Variants in SYNPR observed in about 807,000 individuals in gnomAD.
The protein encoded by SYNPR is synaptoporin.
A neutral mutation model predicts 32.9 loss-of-function variants in SYNPR; 23 were observed. That is an observed-to-expected ratio of 0.70 (90% CI 0.50 to 0.99). SYNPR has a LOEUF of 0.99. Among genes scored for constraint, SYNPR ranks in the 50% least tolerant of loss-of-function variants. The pLI is 0.00. For synonymous variants in SYNPR, 146 were observed against 135.9 expected (o/e 1.07, Z -0.52); for missense variants, 318 against 349.3 (o/e 0.91, Z 0.71).
At chr3:63,223,083 G>T in the SYNPR span, among the ~76,000 whole-genome samples, 3 of 152,116 alleles carry the variant, frequency 2.0e-5, no homozygotes, top group African/African-American at 7.2e-5. Flanking sequence ...TACTCACAGA[G>T]GAGGAAGAGA....
intron 3 of SYNPR, among the ~76,000 whole-genome samples, chr3:63,269,318 A>C (rs1053434334): frequency 1.9e-4 from 29 of 152,060 alleles, no homozygotes; most frequent in Admixed American, 5.9e-4. Flanking sequence ...GTGAAACCCC[A>C]TCTCTACTAA....
At chr3:63,541,157 G>T (rs1006484072) in intron 3 of SYNPR, among the ~76,000 whole-genome samples, 1 of 151,234 alleles carries the variant, frequency 6.6e-6, no homozygotes, top group African/African-American at 2.4e-5. Context: ...ACCGCAGAGA[G>T]AAAGAATAAA....
At chr3:63,514,988 A>C (rs1701769062) in intron 3 of SYNPR, among the ~76,000 whole-genome samples, 1 of 152,124 alleles carries the variant, frequency 6.6e-6, no homozygotes, top group Non-Finnish European at 1.5e-5. Context: ...TCAATGTTTA[A>C]GGCTTTTGGA....
rs537975581 is a variant in SYNPR at position 63,347,545 on chromosome 3, C to T, written c.84+68803C>T. The stretch of plus-strand genomic sequence containing the variant: ...GTTTTGTTACATGGATATATTATGT[C>T]GTGCTGAAGTCTGGGCTTTCAGGGT... On this transcript the variant is annotated intron_variant, in intron 2 of 5. Coordinates refer to ENST00000478300, the MANE Select transcript of SYNPR (RefSeq NM_001130003.2). Among the ~76,000 whole-genome samples, 113 of 152,204 alleles carry T rather than the reference C, an allele frequency of 7.4e-4. 4 individuals carry two copies. In the South Asian group the frequency reaches 0.022, roughly 30 times the overall value.
At position 63,400,038 on chromosome 3, in the gene SYNPR, T is replaced by C. The variant is rs114291100; in HGVS notation, c.85-80794T>C. Among the ~76,000 whole-genome samples, 1,262 of 152,292 alleles carry C rather than the reference T, an allele frequency of 8.3e-3. 19 individuals carry two copies. The highest frequency in any genetic ancestry group is 0.028 in the African/African-American group (1,169 of 41,560). On this transcript the variant is annotated intron_variant, in intron 2 of 5. Transcript: ENST00000478300. Reference sequence around the variant, plus strand: ...CTTAAGTGAACCAGTCCCCAGCCCATTCTGCAGAGGATGAGCAAGCTCAAC... The same window carrying C: ...CTTAAGTGAACCAGTCCCCAGCCCACTCTGCAGAGGATGAGCAAGCTCAAC...
At chr3:63,238,539 G>T (rs1329433488) in intron 1 of SYNPR, among the ~76,000 whole-genome samples, 1 of 152,070 alleles carries the variant, frequency 6.6e-6, no homozygotes, top group Non-Finnish European at 1.5e-5. Context: ...TAGTGGTAGG[G>T]AATGCAGAAA....
chr3:63,232,184 G>C lies in SYNPR; in HGVS notation n.66+3804G>C, dbSNP rs1397829797. 3.0e-5 allele frequency among the ~76,000 whole-genome samples: 4 copies of C among 132,238 alleles called. No individual in the cohort carries two copies. In the East Asian group the frequency reaches 1.0e-3, roughly 33 times the overall value. The allele number at this position is 132,238 out of a possible 152,430, so 86.8% of individuals were successfully genotyped here. On this transcript the variant is annotated intron_variant and non_coding_transcript_variant, in intron 1 of 4. Transcript: ENST00000478456. ...AGGGCTGTCTCAAGTGAGTATTTCA[G>C]ATTCTGACTTTTTTTTTTTTTTTTT...
chr3:63,588,799 C>T (rs1703247153), intron 4 of SYNPR, among the ~76,000 whole-genome samples: 1 of 151,990 alleles, frequency 6.6e-6, no homozygotes, highest in African/African-American at 2.4e-5. Context: ...TACTCTTCTA[C>T]TAACATTTAA....
intron 2 of SYNPR, among the ~76,000 whole-genome samples, chr3:63,295,376 G>T (rs939939492): frequency 6.6e-5 from 10 of 152,220 alleles, no homozygotes; most frequent in African/African-American, 2.2e-4. Flanking sequence ...AACAAGTAAT[G>T]GTTAGGTGTG....
At chr3:63,258,217 G>A (rs568009612) in intron 2 of SYNPR, among the ~76,000 whole-genome samples, 10 of 152,200 alleles carry the variant, frequency 6.6e-5, no homozygotes, top group South Asian at 2.1e-4. Flanking sequence ...TGCACCAAGC[G>A]GACCTAATAG....
At chr3:63,401,183 G>T (rs2088285342) in intron 2 of SYNPR, among the ~76,000 whole-genome samples, 1 of 152,146 alleles carries the variant, frequency 6.6e-6, no homozygotes, top group Non-Finnish European at 1.5e-5. Context: ...GGTATTAGAA[G>T]GAAGTCTGCA....
chr3:63,264,799 C>A (rs186225690), intron 2 of SYNPR, among the ~76,000 whole-genome samples: 4 of 152,108 alleles, frequency 2.6e-5, no homozygotes, highest in Non-Finnish European at 5.9e-5. Context: ...CAGGCACTTT[C>A]CTCACAGGGT....
Position 63,615,532 on chromosome 3 carries a change from G to C in SYNPR, c.*51G>C. Reference sequence around the variant, plus strand: ...AGTCGCCTCACCATCTTCCATTTCAGTGGCAGAAGAATTTTTTAAGGGTTT... The same window carrying C: ...AGTCGCCTCACCATCTTCCATTTCACTGGCAGAAGAATTTTTTAAGGGTTT... On this transcript the variant is annotated 3_prime_UTR_variant, in exon 6 of 6. Transcript: ENST00000478300. The C allele has an allele frequency of 6.4e-7, 1 of 1,570,250 alleles. No homozygotes were observed. The highest frequency in any genetic ancestry group is 1.2e-5 in the South Asian group (1 of 84,130).
intron 2 of SYNPR, among the ~76,000 whole-genome samples, chr3:63,346,598 A>T (rs1208412960): frequency 2.6e-5 from 4 of 152,020 alleles, no homozygotes. Context: ...CAGCCTCCTG[A>T]GTAGCTGGGA....
At chr3:63,309,864 A>C (rs1560187295) in intron 2 of SYNPR, among the ~76,000 whole-genome samples, 1 of 151,968 alleles carries the variant, frequency 6.6e-6, no homozygotes, top group Non-Finnish European at 1.5e-5. Context: ...CAGGGGTTCT[A>C]GTTTCCCAGA....
At chr3:63,552,352 T>C (rs757223889) in intron 3 of SYNPR, among the ~76,000 whole-genome samples, 3 of 152,206 alleles carry the variant, frequency 2.0e-5, no homozygotes, top group Non-Finnish European at 4.4e-5. Flanking sequence ...TTTTTCAGTA[T>C]TTCTACAGAC....
chr3:63,229,184 A>G (rs1343728800), intron 1 of SYNPR, among the ~76,000 whole-genome samples: 1 of 152,168 alleles, frequency 6.6e-6, no homozygotes, highest in Non-Finnish European at 1.5e-5. Context: ...AGTTCCATCA[A>G]CTACAAATTA....
At chr3:63,482,073 C>G (rs1479608337) in intron 3 of SYNPR, among the ~76,000 whole-genome samples, 2 of 152,206 alleles carry the variant, frequency 1.3e-5, no homozygotes. Context: ...ATCAAGAGAC[C>G]TATCTGAACT....
chr3:63,399,500 A>G (rs1276025350), intron 2 of SYNPR, among the ~76,000 whole-genome samples: 1 of 152,164 alleles, frequency 6.6e-6, no homozygotes, highest in Non-Finnish European at 1.5e-5. Flanking sequence ...GTGAGTGCCC[A>G]TTCCTCATAG....
Sources: gnomAD v4.1 joint callset for allele counts (sites outside exome capture counted in the v4.1 genomes callset) on GRCh38, gnomAD v4.1.1 for gene constraint, MANE v1.5 for transcripts, NCBI Gene and HGNC (gene_info 2026-07-23, HGNC 2026-07-21) for gene names.